Variants in SDK1 observed in about 807,000 individuals in gnomAD.
SDK1 encodes sidekick cell adhesion molecule 1.
In SDK1, 157 loss-of-function variants were observed where a neutral mutation model predicts 245.5. The observed-to-expected ratio is 0.64, with a 90% CI of 0.56 to 0.73. SDK1 has a LOEUF of 0.73. Among genes scored for constraint, SDK1 ranks in the 30% least tolerant of loss-of-function variants. SDK1 has a pLI of 0.00. For synonymous variants in SDK1, 1,647 were observed against 1,278.5 expected (o/e 1.29, Z -6.15); for missense variants, 3,583 against 3,002.3 (o/e 1.19, Z -4.52).
Position 4,051,626 on chromosome 7 carries a change from G to T in SDK1, c.2719-12G>T, listed in dbSNP as rs371360577. 1 of 1,607,948 alleles carries T rather than the reference G, an allele frequency of 6.2e-7. No homozygotes were observed. Among genetic ancestry groups the T allele is most frequent in the African/African-American group, 1.3e-5 (1 of 74,610 alleles). ...GAAAACAGGCTGTCTTTTTCACCCT[G>T]TTCCATCTCAGCTTCTGGCATGGCC... On this transcript the variant is annotated splice_polypyrimidine_tract_variant and intron_variant, in intron 18 of 44. Coordinates refer to ENST00000404826, the MANE Select transcript of SDK1 (RefSeq NM_152744.4).
chr7:4,139,721 ATGTGTGTGTG>A (rs1330952824), intron 28 of SDK1, among the ~76,000 whole-genome samples: 417 of 110,718 alleles, frequency 3.8e-3, no homozygotes, highest in African/African-American at 5.6e-3. Context: ...GTGTGTGTGT[ATGTGTGTGTG>A]TGTGTATGTG....
intron 1 of SDK1, among the ~76,000 whole-genome samples, chr7:3,347,931 A>G (rs951935150): frequency 2.6e-5 from 4 of 152,156 alleles, no homozygotes; most frequent in African/African-American, 9.7e-5. Flanking sequence ...GTCTCTGAAA[A>G]TAAGTGGAGG....
intron 10 of SDK1, 60 bp from the exon 11 acceptor site, chr7:3,969,197 A>C: frequency 8.6e-6 from 12 of 1,396,980 alleles, no homozygotes; most frequent in Non-Finnish European, 1.2e-5. Context: ...TCTAACCACT[A>C]TCTTCATTTC....
chr7:3,997,505 C>T (rs13234440), intron 14 of SDK1, among the ~76,000 whole-genome samples: 4,006 of 152,112 alleles, frequency 0.026, 87 homozygotes, highest in Non-Finnish European at 0.039. Flanking sequence ...CTTCTCTCTG[C>T]GGCTGGTCGT....
intron 1 of SDK1, among the ~76,000 whole-genome samples, chr7:3,500,341 G>C (rs1280747626): frequency 6.6e-6 from 1 of 152,034 alleles, no homozygotes; most frequent in Non-Finnish European, 1.5e-5. Context: ...AAAACGTCAT[G>C]AGAAATGCAT....
intron 4 of SDK1, among the ~76,000 whole-genome samples, chr7:3,767,741 G>C (rs1780296019): frequency 1.3e-5 from 2 of 152,106 alleles, no homozygotes; most frequent in African/African-American, 4.8e-5. Context: ...TCCCAAGTCT[G>C]TGTTCTTAAT....
At chr7:3,332,686 G>C (rs964201064) in intron 1 of SDK1, among the ~76,000 whole-genome samples, 3 of 152,122 alleles carry the variant, frequency 2.0e-5, no homozygotes, top group Non-Finnish European at 4.4e-5. Flanking sequence ...GAACTTATAG[G>C]AATGTCATAA....
intron 1 of SDK1, among the ~76,000 whole-genome samples, chr7:3,475,816 A>G (rs561873125): frequency 6.6e-6 from 1 of 152,312 alleles, no homozygotes; most frequent in East Asian, 1.9e-4. Context: ...ACTGCATTTA[A>G]AAATCACCTG....
At chr7:3,510,432 A>G (rs532314474) in intron 1 of SDK1, among the ~76,000 whole-genome samples, 1 of 152,204 alleles carries the variant, frequency 6.6e-6, no homozygotes, top group African/African-American at 2.4e-5. Context: ...TCGGTCTTCT[A>G]AAGGGTCTCT....
intron 1 of SDK1, among the ~76,000 whole-genome samples, chr7:3,472,517 A>T (rs1465145492): frequency 1.3e-5 from 2 of 152,238 alleles, no homozygotes; most frequent in Non-Finnish European, 2.9e-5. Context: ...GAACAAATTT[A>T]TGAGATTATT....
chr7:4,248,770 A>G (rs1343135531), intron 44 of SDK1, among the ~76,000 whole-genome samples: 1 of 152,110 alleles, frequency 6.6e-6, no homozygotes, highest in Non-Finnish European at 1.5e-5. Flanking sequence ...GCACACATAC[A>G]TCATATACTC....
At chr7:3,690,079 G>T (rs1250923744) in intron 4 of SDK1, among the ~76,000 whole-genome samples, 3 of 152,144 alleles carry the variant, frequency 2.0e-5, no homozygotes, top group African/African-American at 7.2e-5. Context: ...GCACCCAGTG[G>T]TAATTATGTT....
intron 4 of SDK1, among the ~76,000 whole-genome samples, chr7:3,709,641 T>C (rs185909055): frequency 2.0e-5 from 3 of 152,352 alleles, no homozygotes; most frequent in East Asian, 3.9e-4. Context: ...CTGCAGACTA[T>C]TTTTTCTTTC....
chr7:3,950,244 G>A (rs987812663), intron 5 of SDK1, among the ~76,000 whole-genome samples: 2 of 152,196 alleles, frequency 1.3e-5, no homozygotes, highest in Admixed American at 6.5e-5. Context: ...TCTGAGAAAG[G>A]CCAGGGACAG....
At chr7:4,228,791 G>A (rs2128234628) in intron 40 of SDK1, among the ~76,000 whole-genome samples, 1 of 152,212 alleles carries the variant, frequency 6.6e-6, no homozygotes, top group African/African-American at 2.4e-5. Context: ...GTCTACCTCG[G>A]TCTCCCAAAG....
chr7:3,992,374 A>G (rs1012941338), intron 14 of SDK1, among the ~76,000 whole-genome samples: 2 of 152,200 alleles, frequency 1.3e-5, no homozygotes, highest in Admixed American at 1.3e-4. Flanking sequence ...CTCCTGTCCC[A>G]GGTGCCTGTT....
intron 5 of SDK1, among the ~76,000 whole-genome samples, chr7:3,920,918 G>T (rs1421702544): frequency 6.6e-6 from 1 of 152,134 alleles, no homozygotes; most frequent in African/African-American, 2.4e-5. Flanking sequence ...GCCAGGAGCG[G>T]GCACTGAGGG....
At chr7:4,129,367 GTGCC>G (rs1784632237) in intron 26 of SDK1, among the ~76,000 whole-genome samples, 2 of 106,612 alleles carry the variant, frequency 1.9e-5, no homozygotes, top group African/African-American at 6.8e-5. Flanking sequence ...TTGGGGTTGG[GTGCC>G]CTGGAATAGA....
chr7:3,979,019 G>A (rs1783187969), intron 13 of SDK1, among the ~76,000 whole-genome samples: 1 of 152,286 alleles, frequency 6.6e-6, no homozygotes, highest in East Asian at 1.9e-4. Context: ...TGGAGGGGCG[G>A]CCCCCACACC....
Sources: gnomAD v4.1 joint callset for allele counts (sites outside exome capture counted in the v4.1 genomes callset) on GRCh38, gnomAD v4.1.1 for gene constraint, MANE v1.5 for transcripts, NCBI Gene and HGNC (gene_info 2026-07-23, HGNC 2026-07-21) for gene names.